NFATC2: variants seen among roughly 807,000 people sequenced by gnomAD.
NFATC2 encodes the protein nuclear factor of activated T cells 2, also known as nuclear factor of activated T-cells, cytoplasmic 2.
NFATC2 carries 22 observed loss-of-function variants against 87.3 expected under a neutral mutation model. That is an observed-to-expected ratio of 0.25 (90% CI 0.18 to 0.36). NFATC2 has a LOEUF of 0.36. Ranked by LOEUF, NFATC2 falls within the 10% of genes least tolerant of loss-of-function variation. NFATC2 has a pLI of 1.00. For synonymous variants in NFATC2, 565 were observed against 542.2 expected (o/e 1.04, Z -0.58); for missense variants, 1,149 against 1,259.1 (o/e 0.91, Z 1.32).
At chr20:51,536,020 G>T (rs770015923) in intron 1 of NFATC2, among the ~76,000 whole-genome samples, 36 of 152,180 alleles carry the variant, frequency 2.4e-4, no homozygotes, top group Non-Finnish European at 4.3e-4. Flanking sequence ...AGATTCAAGT[G>T]CAGGGCTTTA....
intron 6 of NFATC2, among the ~76,000 whole-genome samples, chr20:51,445,086 A>G (rs1984882198): frequency 6.6e-6 from 1 of 152,108 alleles, no homozygotes; most frequent in Admixed American, 6.5e-5. Context: ...GAGCACTCAA[A>G]CATCAACCAG....
In NFATC2 at chr20:51,391,030, G is replaced by T. The variant is rs557224568; in HGVS notation, c.*466C>A. ...GCAAGGGCTGGGGTTTAATCACAGT[G>T]CCCACATCTTCTGTCCCCCGTCCAT... On this transcript the variant is annotated 3_prime_UTR_variant, in exon 11 of 11. Coordinates refer to ENST00000371564, the MANE Select transcript of NFATC2 (RefSeq NM_012340.5). 6 of 395,392 alleles carry T rather than the reference G, an allele frequency of 1.5e-5. No homozygotes were observed. Among genetic ancestry groups the T allele is most frequent in the Non-Finnish European group, 2.4e-5 (5 of 206,360 alleles). The allele number at this position is 395,392 out of a possible 1,614,324, so 24.5% of individuals were successfully genotyped here. A position where few individuals can be genotyped will look rare whatever the true frequency, so the allele number is the denominator to read the frequency against.
intron 1 of NFATC2, among the ~76,000 whole-genome samples, chr20:51,527,940 A>T (rs180778234): frequency 1.6e-4 from 25 of 152,012 alleles, no homozygotes; most frequent in Admixed American, 3.9e-4. Flanking sequence ...CTCTAAAACA[A>T]AAATTTTTTT....
rs1403027202 is a variant in NFATC2, at chr20:51,508,954, C to T, written c.1332+7830G>A. On this transcript the variant is annotated intron_variant, in intron 3 of 10. Coordinates refer to ENST00000371564, the MANE Select transcript of NFATC2 (RefSeq NM_012340.5). ...GCTGACACCTACGTCAAGCCAGGCC[C>T]TCCCAGCTCCCGCCTCGCTCAGAGT... Among the ~76,000 whole-genome samples, 2 of 152,252 alleles carry T rather than the reference C, an allele frequency of 1.3e-5. 1 individual carries two copies. The highest frequency in any genetic ancestry group is 6.8e-3 in the Middle Eastern group (2 of 294).
At chr20:51,461,710 C>T (rs1440184608) in intron 5 of NFATC2, among the ~76,000 whole-genome samples, 3 of 152,242 alleles carry the variant, frequency 2.0e-5, no homozygotes, top group African/African-American at 7.2e-5. Context: ...TATTGCCTGA[C>T]TATCTGAAAT....
At chr20:51,441,717 C>CA (rs11474273) in intron 6 of NFATC2, among the ~76,000 whole-genome samples, 36,754 of 120,100 alleles carry the variant, frequency 0.31, 6,889 homozygotes, top group East Asian at 0.52. Flanking sequence ...AACTCCATCT[C>CA]AAAAAAAAAA....
At chr20:51,545,698 T>C (rs912022592), upstream of NFATC2, among the ~76,000 whole-genome samples, 3 of 151,746 alleles carry the variant, frequency 2.0e-5, no homozygotes, top group African/African-American at 7.3e-5. Context: ...GATGGATGAA[T>C]AGATGGGTGG....
intron 2 of NFATC2, 73 bp from the exon 3 acceptor site, chr20:51,517,028 G>C: frequency 7.0e-7 from 1 of 1,423,942 alleles, no homozygotes; most frequent in East Asian, 2.4e-5. Context: ...AATTGTAAAC[G>C]GCCCTTTCTG....
At chr20:51,519,907 C>T (rs1432021898) in intron 2 of NFATC2, among the ~76,000 whole-genome samples, 1 of 147,268 alleles carries the variant, frequency 6.8e-6, no homozygotes, top group Non-Finnish European at 1.5e-5. Context: ...CAGAGCGAGA[C>T]TCCATCTAAA....
At chr20:51,392,001 T>C (rs1986411316) in intron 10 of NFATC2, among the ~76,000 whole-genome samples, 1 of 152,202 alleles carries the variant, frequency 6.6e-6, no homozygotes, top group Admixed American at 6.5e-5. Flanking sequence ...GAAATCTTTG[T>C]GGGAAAAATG....
chr20:51,426,477 CA>C (rs140465988), intron 9 of NFATC2, among the ~76,000 whole-genome samples: 2,291 of 87,586 alleles, frequency 0.026, 49 homozygotes, highest in African/African-American at 0.071. Context: ...GACTTTGTCT[CA>C]AAAAAAAAAA....
intron 3 of NFATC2, among the ~76,000 whole-genome samples, chr20:51,493,177 G>A (rs2075926776): frequency 6.6e-6 from 1 of 152,206 alleles, no homozygotes; most frequent in African/African-American, 2.4e-5. Context: ...TGAACTCGCT[G>A]GCTGTGGACC....
At chr20:51,467,557 CA>C (rs58157455) in intron 5 of NFATC2, among the ~76,000 whole-genome samples, 102,207 of 151,614 alleles carry the variant, frequency 0.67, 35,030 homozygotes, top group East Asian at 0.83. Flanking sequence ...GACTCCATCT[CA>C]AAAAAAATAA....
At chr20:51,540,701 G>T in intron 1 of NFATC2, among the ~76,000 whole-genome samples, 1 of 117,350 alleles carries the variant, frequency 8.5e-6, no homozygotes, top group East Asian at 2.6e-4. Flanking sequence ...CTTTCATTGT[G>T]GTCATTTAGA....
At position 51,505,459 on chromosome 20, in the gene NFATC2, G is replaced by GTA. The variant is rs938401786; in HGVS notation, c.1332+11323_1332+11324dup. Among the ~76,000 whole-genome samples the GTA allele has an allele frequency of 5.7e-3, 622 of 108,350 alleles. 5 individuals carry two copies. Among genetic ancestry groups the GTA allele is most frequent in the African/African-American group, 0.017 (567 of 32,504 alleles). The allele number at this position is 108,350 out of a possible 152,430, so 71.1% of individuals were successfully genotyped here. A position where few individuals can be genotyped will look rare whatever the true frequency, so the allele number is the denominator to read the frequency against. ...ATTGTATATATATGTGTAGGTGTGT[G>GTA]TATATATATATATATGAATATATAT... On this transcript the variant is annotated intron_variant, in intron 3 of 10. Transcript: ENST00000371564.
At chr20:51,489,907 G>A (rs985971272) in intron 3 of NFATC2, among the ~76,000 whole-genome samples, 5 of 152,200 alleles carry the variant, frequency 3.3e-5, no homozygotes, top group Non-Finnish European at 4.4e-5. Context: ...TCTGACACAC[G>A]CAGGAATGAC....
chr20:51,419,914 A>G (rs576916747), intron 9 of NFATC2, among the ~76,000 whole-genome samples: 16 of 152,244 alleles, frequency 1.1e-4, no homozygotes, highest in African/African-American at 3.6e-4. Context: ...ATATTATTTC[A>G]GTCCTTCAAA....
At chr20:51,477,553 A>G (rs1477438585) in intron 3 of NFATC2, among the ~76,000 whole-genome samples, 1 of 116,170 alleles carries the variant, frequency 8.6e-6, no homozygotes, top group African/African-American at 2.8e-5. Flanking sequence ...ATATATATAT[A>G]TATATATATA....
intron 9 of NFATC2, among the ~76,000 whole-genome samples, chr20:51,418,329 C>G (rs748720712): frequency 2.6e-5 from 4 of 152,228 alleles, no homozygotes; most frequent in Non-Finnish European, 5.9e-5. Flanking sequence ...AACTCTGCCC[C>G]CCAGGGGATA....
Sources: allele counts gnomAD v4.1 joint callset (sites outside exome capture counted in the v4.1 genomes callset), GRCh38; gene constraint gnomAD v4.1.1; transcripts MANE v1.5; gene names NCBI Gene and HGNC (gene_info 2026-07-23, HGNC 2026-07-21).